Variants in HIPK2 observed in about 807,000 individuals in gnomAD.
The protein encoded by HIPK2 is homeodomain interacting protein kinase 2.
Under a neutral mutation model 113.7 loss-of-function variants are expected in HIPK2, and 27 were observed. The ratio of observed to expected loss-of-function variants is 0.24; its 90% CI spans 0.17 to 0.33. HIPK2 has a LOEUF of 0.33. Among genes scored for constraint, HIPK2 ranks in the 10% least tolerant of loss-of-function variants. The pLI is 1.00. For synonymous variants in HIPK2, 631 were observed against 642.2 expected (o/e 0.98, Z 0.26); for missense variants, 1,257 against 1,588.0 (o/e 0.79, Z 3.54).
intron 1 of HIPK2, among the ~76,000 whole-genome samples, chr7:139,734,157 T>G (rs1465648451): frequency 6.6e-6 from 1 of 152,322 alleles, no homozygotes; most frequent in South Asian, 2.1e-4. Context: ...AAGACAACGT[T>G]AAAATTCCGA....
intron 2 of HIPK2, among the ~76,000 whole-genome samples, chr7:139,696,286 G>C (rs1464190143): frequency 6.6e-6 from 1 of 152,160 alleles, no homozygotes; most frequent in Non-Finnish European, 1.5e-5. Context: ...AAAAAAAGCA[G>C]TCTTGGCTGG....
intron 2 of HIPK2, among the ~76,000 whole-genome samples, chr7:139,636,636 C>G (rs1045354613): frequency 2.0e-5 from 3 of 152,058 alleles, no homozygotes; most frequent in Admixed American, 1.3e-4. Flanking sequence ...CTGGAGCCAC[C>G]CGAGGCAGGA....
At chr7:139,722,016 C>T (rs1569480951) in intron 1 of HIPK2, 2 of 473,862 alleles carry the variant, frequency 4.2e-6, no homozygotes, top group Non-Finnish European at 8.5e-6. Context: ...TATTACCATA[C>T]CACTCTGTCT....
At position 139,563,468 on chromosome 7, in the gene HIPK2, C is replaced by G. The variant is rs1329394624; in HGVS notation, c.*9459G>C. On this transcript the variant is annotated 3_prime_UTR_variant, in exon 15 of 15. Coordinates refer to ENST00000406875, the MANE Select transcript of HIPK2 (RefSeq NM_022740.5). ...GAAGGGGGCGGTGCCAGGAGAGATTCGTTTGGAGATTGGTTACAAGGAAGC... is the reference window on the plus strand; with the variant it reads ...GAAGGGGGCGGTGCCAGGAGAGATTGGTTTGGAGATTGGTTACAAGGAAGC... The G allele has an allele frequency of 6.1e-6, 1 of 163,124 alleles. No homozygotes were observed. Among genetic ancestry groups the G allele is most frequent in the Non-Finnish European group, 1.3e-5 (1 of 75,520 alleles). The allele number at this position is 163,124 out of a possible 1,614,324, so 10.1% of individuals were successfully genotyped here. A position where few individuals can be genotyped will look rare whatever the true frequency, so the allele number is the denominator to read the frequency against.
At chr7:139,615,822 T>C (rs1386249875) in intron 7 of HIPK2, among the ~76,000 whole-genome samples, 1 of 152,266 alleles carries the variant, frequency 6.6e-6, no homozygotes, top group Non-Finnish European at 1.5e-5. Flanking sequence ...ATTGATTTGT[T>C]TGAAAATAAT....
chr7:139,716,067 G>C lies in HIPK2; in HGVS notation c.968C>G (p.Ala323Gly). The C allele has an allele frequency of 6.2e-7, 1 of 1,614,138 alleles. No homozygotes were observed. The highest frequency in any genetic ancestry group is 1.1e-5 in the South Asian group (1 of 91,078). ...MKLKSLGLIHADLKPENIMLV... is the reference protein window; with the variant it reads ...MKLKSLGLIHGDLKPENIMLV... ...CATGATGTTTTCTGGTTTGAGGTCA[G>C]CGTGGATAAGACCTAGGCTTTTGAG... The change falls in exon 2 of 15, where the codon GCT becomes GGT. Residue 323 changes from alanine (A) to glycine (G), a missense_variant. This residue lies in a region of HIPK2 where 84 missense variants were observed against 182.2 expected (regional missense o/e 0.46). Coordinates refer to ENST00000406875, the MANE Select transcript of HIPK2 (RefSeq NM_022740.5). This position sits in a 1 kb window ranked among gnomAD's most constrained non-coding sequence, Gnocchi z 9.3.
At chr7:139,592,655 G>C (rs1302411382) in intron 12 of HIPK2, among the ~76,000 whole-genome samples, 1 of 152,196 alleles carries the variant, frequency 6.6e-6, no homozygotes, top group Non-Finnish European at 1.5e-5. Flanking sequence ...TTCAACACAA[G>C]GTAAAGATAG....
At chr7:139,721,151 T>A (rs1348979246) in intron 1 of HIPK2, among the ~76,000 whole-genome samples, 1 of 152,232 alleles carries the variant, frequency 6.6e-6, no homozygotes, top group Non-Finnish European at 1.5e-5. Flanking sequence ...TTCCAATGAC[T>A]GGACCCAACG....
chr7:139,672,609 C>T (rs1226413219), intron 2 of HIPK2, among the ~76,000 whole-genome samples: 1 of 152,118 alleles, frequency 6.6e-6, no homozygotes, highest in Non-Finnish European at 1.5e-5. Context: ...ACAGGCGCTG[C>T]CACCACGCCC....
At chr7:139,654,387 C>G (rs1801582233) in intron 2 of HIPK2, among the ~76,000 whole-genome samples, 1 of 152,068 alleles carries the variant, frequency 6.6e-6, no homozygotes, top group South Asian at 2.1e-4. Context: ...GTGGTGCACA[C>G]CTATAGTCGC....
chr7:139,776,187 T>C (rs975524711), intron 1 of HIPK2, among the ~76,000 whole-genome samples: 1 of 152,190 alleles, frequency 6.6e-6, no homozygotes, highest in African/African-American at 2.4e-5. Flanking sequence ...TTTTGTCGAA[T>C]GGTTAAATGG....
intron 2 of HIPK2, among the ~76,000 whole-genome samples, chr7:139,681,156 T>C (rs1802686740): frequency 6.6e-6 from 1 of 152,220 alleles, no homozygotes; most frequent in Non-Finnish European, 1.5e-5. Context: ...GCCTACAAGT[T>C]GCAATTGGGT....
At chr7:139,598,092 C>T (rs1397840012) in intron 11 of HIPK2, among the ~76,000 whole-genome samples, 1 of 152,182 alleles carries the variant, frequency 6.6e-6, no homozygotes, top group African/African-American at 2.4e-5. Context: ...ACTGAGACCA[C>T]ATGTCAGGTG....
chr7:139,645,166 G>A (rs966211628), intron 2 of HIPK2, among the ~76,000 whole-genome samples: 2 of 152,182 alleles, frequency 1.3e-5, no homozygotes, highest in African/African-American at 4.8e-5. Flanking sequence ...TCTCAGATGA[G>A]TGACTGTGCC....
At chr7:139,592,308 G>A (rs934466985) in intron 12 of HIPK2, among the ~76,000 whole-genome samples, 1 of 152,196 alleles carries the variant, frequency 6.6e-6, no homozygotes, top group Non-Finnish European at 1.5e-5. Flanking sequence ...GACACTTGAT[G>A]ACCTAAGCAG....
At chr7:139,773,189 T>C (rs1318638588) in intron 1 of HIPK2, among the ~76,000 whole-genome samples, 1 of 152,080 alleles carries the variant, frequency 6.6e-6, no homozygotes. Context: ...TTCATGTGGG[T>C]GAAGGGCGCA....
At chr7:139,728,070 G>C (rs542805230) in intron 1 of HIPK2, among the ~76,000 whole-genome samples, 1 of 151,382 alleles carries the variant, frequency 6.6e-6, no homozygotes, top group Non-Finnish European at 1.5e-5. Flanking sequence ...CTCCCAAGTA[G>C]CTGGGATTAC....
At chr7:139,755,153 C>T (rs573909152) in intron 1 of HIPK2, among the ~76,000 whole-genome samples, 2 of 152,268 alleles carry the variant, frequency 1.3e-5, no homozygotes, top group Admixed American at 6.5e-5. Context: ...GCCTGGTCAA[C>T]GAGGTGTGAA....
intron 1 of HIPK2, among the ~76,000 whole-genome samples, chr7:139,744,857 C>A (rs897473041): frequency 6.6e-6 from 1 of 152,178 alleles, no homozygotes; most frequent in African/African-American, 2.4e-5. Flanking sequence ...AACTGCAGAA[C>A]GGTTCCTCTG....
Sources: gnomAD v4.1 joint callset for allele counts (sites outside exome capture counted in the v4.1 genomes callset) on GRCh38, gnomAD v4.1.1 for gene constraint, gnomAD v4.1.1 regional missense constraint, Gnocchi (gnomAD v3.1) non-coding constraint, MANE v1.5 for transcripts, NCBI Gene and HGNC (gene_info 2026-07-23, HGNC 2026-07-21) for gene names.